Variants in MYBPHL observed in about 807,000 individuals in gnomAD.
MYBPHL encodes the protein myosin-binding protein H-like.
A neutral mutation model predicts 39.5 loss-of-function variants in MYBPHL; 32 were observed. The ratio of observed to expected loss-of-function variants is 0.81; its 90% CI spans 0.61 to 1.09. The LOEUF is 1.09. Ranked by LOEUF, MYBPHL falls within the 50% of genes least tolerant of loss-of-function variation. The probability of loss-of-function intolerance (pLI) is 0.00; values close to 1 mark genes in which losing one functional copy is unlikely to be tolerated. For missense variants in MYBPHL, 456 were observed against 460.2 expected, an observed-to-expected ratio of 0.99 and a Z score of 0.08; for synonymous variants, 196 against 183.7, an observed-to-expected ratio of 1.07 and a Z score of -0.54.
chr1:109,302,939 T>A, intron 1 of MYBPHL, among the ~76,000 whole-genome samples: 1 of 152,202 alleles, frequency 6.6e-6, no homozygotes, highest in East Asian at 1.9e-4. Context: ...TCACATCTGG[T>A]CCCAGGCTTT....
At chr1:109,295,364 TCA>T (rs1658025575) in intron 6 of MYBPHL, 67 bp from the exon 7 acceptor site, 1 of 1,447,194 alleles carries the variant, frequency 6.9e-7, no homozygotes, top group East Asian at 2.4e-5. Flanking sequence ...CTTTCTGTGC[TCA>T]GTTTCTGGGA....
intron 7 of MYBPHL, 141 bp downstream of exon 7, chr1:109,294,970 C>A (rs940942573): frequency 6.1e-6 from 4 of 653,834 alleles, no homozygotes; most frequent in African/African-American, 1.8e-5. Flanking sequence ...TCCAATACAT[C>A]CTGATGATGA....
In MYBPHL at chr1:109,297,455, C is replaced by G. The variant is rs759208438; in HGVS notation, c.397G>C (p.Glu133Gln). ...YQLRVQLGGL[E>Q]ATATIDILVI... The stretch of plus-strand genomic sequence containing the variant: ...AGGATGTCAATGGTGGCGGTGGCCT[C>G]CAGCCCACCCAGCTGCACGCGGAGT... Residue 133 changes from glutamate (E) to glutamine (Q), a missense_variant, in exon 3 of 9, where the codon GAG becomes CAG. Transcript: ENST00000357155. The G allele has an allele frequency of 1.1e-5, 18 of 1,612,916 alleles. No homozygotes were observed. In the Admixed American group the frequency reaches 3.0e-4, roughly 27 times the overall value.
At position 109,306,892 on chromosome 1, in the gene MYBPHL, G is replaced by T; in HGVS notation, c.100C>A (p.Gln34Lys). 1 of 1,604,384 alleles carries T rather than the reference G, an allele frequency of 6.2e-7. No individual in the cohort carries two copies. Among genetic ancestry groups the T allele is most frequent in the Non-Finnish European group, 8.5e-7 (1 of 1,175,746 alleles). ...DAEPPQASPGQGAGSPTPQLL... is the reference protein window; with the variant it reads ...DAEPPQASPGKGAGSPTPQLL... ...TGGGGAGTGGGGCTGCCAGCCCCCT[G>T]TCCAGGTGAAGCCTGGGGTGGTTCA... The change falls in exon 1 of 9, where the codon CAG (glutamine) becomes AAG (lysine). Residue 34 changes from glutamine to lysine, a missense_variant. Gln to Lys is a moderately conservative substitution (Grantham distance 53). Transcript: ENST00000357155.
intron 1 of MYBPHL, among the ~76,000 whole-genome samples, chr1:109,301,759 AAGAG>A (rs1014279161): frequency 1.3e-5 from 2 of 152,058 alleles, no homozygotes; most frequent in African/African-American, 4.8e-5. Flanking sequence ...AAAAAAAAAA[AAGAG>A]AGAAAACTAC....
Position 109,296,443 on chromosome 1 carries a change from T to C in MYBPHL, c.731-73A>G, listed in dbSNP as rs1658067619. ...CTCGTCGACTCTTTATCCTTAGTAT[T>C]TTTTTTTTTTTTTGAGGTGGAGTCT... On this transcript the variant is annotated intron_variant, in intron 5 of 8. Coordinates refer to ENST00000357155, the MANE Select transcript of MYBPHL (RefSeq NM_001010985.3). The C allele has an allele frequency of 7.0e-6, 6 of 863,202 alleles. No homozygotes were observed. The South Asian group carries it at 9.6e-5, about 14-fold the overall frequency. The allele number at this position is 863,202 out of a possible 1,614,324, so 53.5% of individuals were successfully genotyped here.
intron 2 of MYBPHL, 122 bp from the exon 3 acceptor site, chr1:109,297,739 G>T: frequency 1.1e-6 from 1 of 886,688 alleles, no homozygotes; most frequent in Non-Finnish European, 1.7e-6. Flanking sequence ...CACATTCCTT[G>T]AGTTAGAAGT....
At chr1:109,297,392 C>G in intron 3 of MYBPHL, 30 bp downstream of exon 3, 1 of 1,588,884 alleles carries the variant, frequency 6.3e-7, no homozygotes, top group Admixed American at 1.7e-5. Flanking sequence ...TTCCTGAGGA[C>G]CCCCCCATCT....
At chr1:109,296,447 T>G in intron 5 of MYBPHL, 77 bp from the exon 6 acceptor site, 3 of 1,563,064 alleles carry the variant, frequency 1.9e-6, no homozygotes, top group Non-Finnish European at 2.6e-6. Context: ...TAGTATTTTT[T>G]TTTTTTTTTG....
intron 5 of MYBPHL, 77 bp from the exon 6 acceptor site, chr1:109,296,447 T>C: frequency 6.4e-7 from 1 of 1,563,064 alleles, no homozygotes; most frequent in South Asian, 1.2e-5. Context: ...TAGTATTTTT[T>C]TTTTTTTTTG....
At chr1:109,295,377 CTCTG>C in intron 6 of MYBPHL, 80 bp from the exon 7 acceptor site, 2 of 1,349,766 alleles carry the variant, frequency 1.5e-6, no homozygotes, top group Non-Finnish European at 2.0e-6. Flanking sequence ...GTTTCTGGGA[CTCTG>C]TCTATATAGA....
Position 109,296,908 on chromosome 1 carries a change from G to A in MYBPHL, c.605C>T (p.Thr202Ile), listed in dbSNP as rs1307108063. 18 of 1,614,052 alleles carry A rather than the reference G, an allele frequency of 1.1e-5. No homozygotes were observed. Among genetic ancestry groups the A allele is most frequent in the Non-Finnish European group, 1.4e-5 (17 of 1,180,032 alleles). ...GATGAGGTCAGAGACGATGCAGCTG[G>A]TGCGGTGATAGTGCTCCAGCACCGT... ...WFTVLEHYHR[T>I]SCIVSDLIIG... The change falls in exon 5 of 9, where the codon ACC (threonine) becomes ATC (isoleucine). Residue 202 changes from threonine to isoleucine, a missense_variant. Transcript: ENST00000357155.
chr1:109,299,530 G>A (rs1437910439), intron 1 of MYBPHL, among the ~76,000 whole-genome samples: 1 of 152,226 alleles, frequency 6.6e-6, no homozygotes, highest in African/African-American at 2.4e-5. Context: ...AGCAAGCATT[G>A]TCCAGAGAAC....
chr1:109,295,449 CCAGTG>C, intron 6 of MYBPHL, 152 bp from the exon 7 acceptor site: 1 of 593,018 alleles, frequency 1.7e-6, no homozygotes, highest in Non-Finnish European at 2.8e-6. Flanking sequence ...GTTTCCCCTT[CCAGTG>C]CCACCAGCAG....
intron 2 of MYBPHL, among the ~76,000 whole-genome samples, chr1:109,297,932 G>A (rs536325768): frequency 2.6e-4 from 39 of 152,310 alleles, no homozygotes; most frequent in Admixed American, 2.5e-3. Flanking sequence ...TGAGGCTTCT[G>A]TAGACTGAAG....
Position 109,297,130 on chromosome 1 carries a change from G to T in MYBPHL, c.490C>A (p.Leu164Met), listed in dbSNP as rs764945362. 6.2e-7 allele frequency: 1 copy of T among 1,614,206 alleles called. No individual in the cohort carries two copies. ...LVDVWGFSAT[L>M]EWTPPQDTGN... Reference sequence around the variant, plus strand: ...GTATCTTGGGGCGGTGTCCATTCCAGTGTAGCGCTGAAGCCCCAAACGTCC... The same window carrying T: ...GTATCTTGGGGCGGTGTCCATTCCATTGTAGCGCTGAAGCCCCAAACGTCC... Residue 164 changes from leucine (L) to methionine (M), a missense_variant, in exon 4 of 9, where the codon CTG (leucine) becomes ATG (methionine). Physicochemically the swap from Leu to Met is conservative, Grantham distance 15. Coordinates refer to ENST00000357155, the MANE Select transcript of MYBPHL (RefSeq NM_001010985.3).
chr1:109,303,578 C>T (rs1227064856), intron 1 of MYBPHL, among the ~76,000 whole-genome samples: 4 of 152,202 alleles, frequency 2.6e-5, no homozygotes, highest in African/African-American at 4.8e-5. Context: ...CTCGGTCTCC[C>T]ATTGTCCTGG....
At chr1:109,297,684 G>GA in intron 2 of MYBPHL, 67 bp from the exon 3 acceptor site, 3 of 1,437,762 alleles carry the variant, frequency 2.1e-6, no homozygotes, top group Non-Finnish European at 2.8e-6. Context: ...CTGCTGTAGG[G>GA]GTCCTGTCCA....
At chr1:109,306,581 C>T (rs1410420288) in intron 1 of MYBPHL, among the ~76,000 whole-genome samples, 1 of 152,180 alleles carries the variant, frequency 6.6e-6, no homozygotes, top group African/African-American at 2.4e-5. Flanking sequence ...ATAAACAGAT[C>T]ATTTTTAGTC....
Sources: allele counts gnomAD v4.1 joint callset (sites outside exome capture counted in the v4.1 genomes callset), GRCh38; gene constraint gnomAD v4.1.1; transcripts MANE v1.5; gene names NCBI Gene and HGNC (gene_info 2026-07-23, HGNC 2026-07-21).